Variants in DERA observed in about 807,000 individuals in gnomAD.
DERA encodes the protein deoxyribose-phosphate aldolase.
DERA carries 15 observed loss-of-function variants against 41.1 expected under a neutral mutation model. That is an observed-to-expected ratio of 0.37 (90% CI 0.24 to 0.56). The LOEUF (loss-of-function observed/expected upper bound fraction) is 0.56, where lower values mean the gene tolerates loss of function less well. DERA is among the 20% of genes least tolerant of loss of function. The pLI is 0.81. For missense variants in DERA, 396 were observed against 403.4 expected (o/e 0.98, Z 0.16); for synonymous variants, 139 against 137.4 (o/e 1.01, Z -0.08).
At chr12:15,958,419 C>T in intron 3 of DERA, 84 bp downstream of exon 3, 1 of 1,076,448 alleles carries the variant, frequency 9.3e-7, no homozygotes, top group South Asian at 2.2e-5. Flanking sequence ...GATACAGCTG[C>T]TAATGATAGC....
intron 4 of DERA, among the ~76,000 whole-genome samples, chr12:15,961,033 A>C (rs1369295246): frequency 2.0e-5 from 3 of 152,218 alleles, no homozygotes; most frequent in Non-Finnish European, 2.9e-5. Context: ...TTCTGATGAT[A>C]GGGAAGACAC....
intron 6 of DERA, among the ~76,000 whole-genome samples, chr12:16,023,546 C>T (rs919656725): frequency 2.1e-5 from 3 of 139,556 alleles, no homozygotes; most frequent in Non-Finnish European, 3.0e-5. Flanking sequence ...GGCGGGATCT[C>T]GGCTCACTGC....
intron 6 of DERA, among the ~76,000 whole-genome samples, chr12:16,025,706 C>T (rs1428368960): frequency 2.0e-5 from 3 of 152,100 alleles, no homozygotes; most frequent in Non-Finnish European, 4.4e-5. Context: ...TCAATATGAT[C>T]AAATTAACAT....
chr12:15,958,926 TAAAG>T (rs1176781843), intron 3 of DERA, among the ~76,000 whole-genome samples: 1 of 152,126 alleles, frequency 6.6e-6, no homozygotes, highest in East Asian at 1.9e-4. Flanking sequence ...GTTTTCTAAA[TAAAG>T]AAACAAAGAC....
In DERA at chr12:15,940,357, T is replaced by C. The variant is rs913545601; in HGVS notation, c.32-16579T>C. Among the ~76,000 whole-genome samples the C allele has an allele frequency of 3.9e-5, 6 of 152,150 alleles. No individual in the cohort carries two copies. The highest frequency in any genetic ancestry group is 1.5e-5 in the Non-Finnish European group (1 of 68,040). ...TCCTTTTTTTATTTTATTTTATTAT[T>C]ATTTTTTTATTTGAGATGGAGTCTG... On this transcript the variant is annotated intron_variant, in intron 1 of 8. Transcript: ENST00000428559. The surrounding 1 kb of genome is among the most constrained non-coding windows in gnomAD (Gnocchi z 5.1).
At chr12:15,914,011 TGGG>T (rs1201998922) in intron 1 of DERA, among the ~76,000 whole-genome samples, 10 of 152,162 alleles carry the variant, frequency 6.6e-5, no homozygotes, top group Non-Finnish European at 1.2e-4. Context: ...AGGTGTCACG[TGGG>T]TAGTGATCTT....
At position 15,928,388 on chromosome 12, in the gene DERA, T is replaced by TA. The variant is rs528109874; in HGVS notation, c.31+16975dup. 1.7e-3 allele frequency among the ~76,000 whole-genome samples: 253 copies of TA among 152,356 alleles called. No individual in the cohort carries two copies. Among genetic ancestry groups the TA allele is most frequent in the African/African-American group, 5.7e-3 (237 of 41,580 alleles). ...TAAATTTCTTGCCCATTATTCCACT[T>TA]ACAGAGATTTTTGAACAAGAAACAG... On this transcript the variant is annotated intron_variant, in intron 1 of 8. Coordinates refer to ENST00000428559, the MANE Select transcript of DERA (RefSeq NM_015954.4). The surrounding 1 kb of genome is among the most constrained non-coding windows in gnomAD (Gnocchi z 4.6).
chr12:16,021,637 C>T lies in DERA; in HGVS notation c.638-10905C>T, dbSNP rs1426910804. ...ACTACCACATGGAAAAGCCACAGGGCAGAGCTTTCCAAGGACTTAGGAGCC... is the reference window on the plus strand; with the variant it reads ...ACTACCACATGGAAAAGCCACAGGGTAGAGCTTTCCAAGGACTTAGGAGCC... On this transcript the variant is annotated intron_variant, in intron 6 of 8. Transcript: ENST00000428559. The surrounding 1 kb of genome is among the most constrained non-coding windows in gnomAD (Gnocchi z 5.3). Among the ~76,000 whole-genome samples the T allele has an allele frequency of 6.6e-6, 1 of 152,220 alleles. No individual in the cohort carries two copies. The highest frequency in any genetic ancestry group is 6.5e-5 in the Admixed American group (1 of 15,284).
Position 15,970,892 on chromosome 12 carries a change from AG to A in DERA, c.508+7947del, listed in dbSNP as rs1440364172. Among the ~76,000 whole-genome samples, 5 of 152,328 alleles carry A rather than the reference AG, an allele frequency of 3.3e-5. No individual in the cohort carries two copies. Among genetic ancestry groups the A allele is most frequent in the Middle Eastern group, 3.4e-3 (1 of 294 alleles). ...TTAGCTTCTGGGGATTACATTCTTC[AG>A]GTAAGAAGTGAAAATAGAGAATAAA... On this transcript the variant is annotated intron_variant, in intron 5 of 8. Coordinates refer to ENST00000428559, the MANE Select transcript of DERA (RefSeq NM_015954.4). The surrounding 1 kb of genome is among the most constrained non-coding windows in gnomAD (Gnocchi z 4.3).
intron 6 of DERA, among the ~76,000 whole-genome samples, chr12:16,002,936 A>C (rs1402762531): frequency 1.3e-5 from 2 of 152,182 alleles, no homozygotes; most frequent in Admixed American, 6.5e-5. Context: ...CTGAAATATA[A>C]ATGACCTAAC....
rs1294850755 is a variant in DERA, at chr12:15,938,005, G to A, written c.32-18931G>A. 6.6e-6 allele frequency among the ~76,000 whole-genome samples: 1 copy of A among 152,188 alleles called. No individual in the cohort carries two copies. Among genetic ancestry groups the A allele is most frequent in the Non-Finnish European group, 1.5e-5 (1 of 68,042 alleles). ...TGTTTTGAGGAAGCTCTAATATCTT[G>A]TTGGCAACATCCAAGTAAATAATTC... On this transcript the variant is annotated intron_variant, in intron 1 of 8. Transcript: ENST00000428559. The surrounding 1 kb of genome is among the most constrained non-coding windows in gnomAD (Gnocchi z 4.1).
rs1255334081 is a variant in DERA, at chr12:15,992,390, G to A, written c.637+9954G>A. Among the ~76,000 whole-genome samples, 2 of 152,236 alleles carry A rather than the reference G, an allele frequency of 1.3e-5. No homozygotes were observed. Among genetic ancestry groups the A allele is most frequent in the East Asian group, 3.9e-4 (2 of 5,182 alleles). Reference sequence around the variant, plus strand: ...CAATTTATATTTTAACAAGGATATTGTATTTCTAAAGCAATGTAAGGTATG... The same window carrying A: ...CAATTTATATTTTAACAAGGATATTATATTTCTAAAGCAATGTAAGGTATG... On this transcript the variant is annotated intron_variant, in intron 6 of 8. Coordinates refer to ENST00000428559, the MANE Select transcript of DERA (RefSeq NM_015954.4). The surrounding 1 kb of genome is among the most constrained non-coding windows in gnomAD (Gnocchi z 4.3).
chr12:15,982,525 A>G lies in DERA; in HGVS notation c.637+89A>G. On this transcript the variant is annotated intron_variant, in intron 6 of 8. Coordinates refer to ENST00000428559, the MANE Select transcript of DERA (RefSeq NM_015954.4). The surrounding 1 kb of genome is among the most constrained non-coding windows in gnomAD (Gnocchi z 4.0). The stretch of plus-strand genomic sequence containing the variant: ...AGTGAAAGCATTTAGCTATTATTAA[A>G]CGTGCTAACCACTTGGAATTTTTTT... The G allele has an allele frequency of 7.1e-7, 1 of 1,407,688 alleles. No individual in the cohort carries two copies. 87.2% of individuals were successfully genotyped at this position (1,407,688 alleles called of 1,614,324 possible). A position where few individuals can be genotyped will look rare whatever the true frequency, so the allele number is the denominator to read the frequency against.
rs534909602 is a variant in DERA, at chr12:16,032,939, T to G, written c.750+285T>G. 9.5e-5 allele frequency: 30 copies of G among 315,054 alleles called. No homozygotes were observed. The South Asian group carries it at 1.1e-3, about 11-fold the overall frequency. The allele number at this position is 315,054 out of a possible 1,614,324, so 19.5% of individuals were successfully genotyped here. A position where few individuals can be genotyped will look rare whatever the true frequency, so the allele number is the denominator to read the frequency against. On this transcript the variant is annotated intron_variant, in intron 7 of 8. Coordinates refer to ENST00000428559, the MANE Select transcript of DERA (RefSeq NM_015954.4). ...GACAATTTTGTCACTGACAAGAGAT[T>G]CCTAAATGGGTTCTTTAACGAACTA... is the stretch of plus-strand genomic sequence containing the variant.
At chr12:15,923,288 C>G (rs1948258846) in intron 1 of DERA, among the ~76,000 whole-genome samples, 1 of 152,038 alleles carries the variant, frequency 6.6e-6, no homozygotes, top group African/African-American at 2.4e-5. Context: ...TCCCAAAGTG[C>G]TGGGATTACA....
chr12:15,987,298 G>T (rs539681617), intron 6 of DERA, among the ~76,000 whole-genome samples: 104 of 145,938 alleles, frequency 7.1e-4, no homozygotes, highest in African/African-American at 2.6e-3. Context: ...GTGCAATGGC[G>T]TGATCTCAGC....
At chr12:15,956,576 G>C in intron 1 of DERA, 1 of 368,222 alleles carries the variant, frequency 2.7e-6, no homozygotes, top group Non-Finnish European at 5.3e-6. Flanking sequence ...TCACCAGTAA[G>C]TCTTTGCTCT....
rs1185379880 is a variant in DERA, at chr12:15,911,624, A to T, written c.31+210A>T. 2.9e-6 allele frequency: 2 copies of T among 697,452 alleles called. No homozygotes were observed. Among genetic ancestry groups the T allele is most frequent in the Non-Finnish European group, 5.2e-6 (2 of 383,344 alleles). The allele number at this position is 697,452 out of a possible 1,614,324, so 43.2% of individuals were successfully genotyped here. A position where few individuals can be genotyped will look rare whatever the true frequency, so the allele number is the denominator to read the frequency against. ...CGCTTGTCTTTGCACCTAAGCTTTTACTCTTGTATGCGGAAGGAGTAGGAA... is the reference window on the plus strand; with the variant it reads ...CGCTTGTCTTTGCACCTAAGCTTTTTCTCTTGTATGCGGAAGGAGTAGGAA... On this transcript the variant is annotated intron_variant, in intron 1 of 8. Coordinates refer to ENST00000428559, the MANE Select transcript of DERA (RefSeq NM_015954.4). The surrounding 1 kb of genome is among the most constrained non-coding windows in gnomAD (Gnocchi z 4.5).
chr12:15,932,523 G>C (rs115461213), intron 1 of DERA, among the ~76,000 whole-genome samples: 4,126 of 152,030 alleles, frequency 0.027, 187 homozygotes, highest in African/African-American at 0.091. Context: ...GGTGGTGCAT[G>C]CCTGTAGTCC....
Sources: allele counts gnomAD v4.1 joint callset (sites outside exome capture counted in the v4.1 genomes callset), GRCh38; gene constraint gnomAD v4.1.1; non-coding constraint Gnocchi (gnomAD v3.1); transcripts MANE v1.5; gene names NCBI Gene and HGNC (gene_info 2026-07-23, HGNC 2026-07-21).